Variants in TMEM114 observed in about 807,000 individuals in gnomAD.
The protein encoded by TMEM114 is claudin-26.
In TMEM114, 6 loss-of-function variants were observed where a neutral mutation model predicts 6.2. The ratio of observed to expected loss-of-function variants is 0.97; its 90% CI spans 0.53 to 1.91. TMEM114 has a LOEUF of 1.91. Ranked by LOEUF, TMEM114 falls within the 40% of genes most tolerant of loss-of-function variation. The pLI is 0.01. For synonymous variants in TMEM114, 104 were observed against 73.0 expected, an observed-to-expected ratio of 1.42 and a Z score of -2.16; for missense variants, 218 against 158.3, an observed-to-expected ratio of 1.38 and a Z score of -2.02.
At chr16:8,552,829 C>A (rs963738117) in intron 2 of TMEM114, among the ~76,000 whole-genome samples, 16 of 152,192 alleles carry the variant, frequency 1.1e-4, no homozygotes, top group Non-Finnish European at 1.9e-4. Context: ...AAACCCCTCC[C>A]CTCCCCTCCC....
chr16:8,566,897 G>GTTTT (rs71150402), downstream of TMEM114, among the ~76,000 whole-genome samples: 115 of 98,308 alleles, frequency 1.2e-3, 1 homozygote, highest in Non-Finnish European at 1.3e-3. Flanking sequence ...CATCACCCTG[G>GTTTT]TTTTTTTTTT....
rs552242948 is a variant in TMEM114 at position 8,539,165 on chromosome 16, A to G, written n.213-1339T>C. On this transcript the variant is annotated intron_variant and non_coding_transcript_variant, in intron 2 of 2. Transcript: ENST00000623677. The stretch of plus-strand genomic sequence containing the variant: ...GCCATGGAACATGTGACCCATATGA[A>G]TAACGTCTGCCTGGTGTGCGGTGCT... Among the ~76,000 whole-genome samples the G allele has an allele frequency of 7.9e-5, 12 of 152,248 alleles. No homozygotes were observed. The East Asian group carries it at 2.3e-3, about 29-fold the overall frequency.
At chr16:8,573,885 G>T (rs774806695) in intron 2 of TMEM114, among the ~76,000 whole-genome samples, 2 of 152,156 alleles carry the variant, frequency 1.3e-5, no homozygotes, top group African/African-American at 4.8e-5. Context: ...GAGCTCTTTG[G>T]CAAAGAGGAT....
chr16:8,541,669 C>A (rs988127564), intron 2 of TMEM114, among the ~76,000 whole-genome samples: 1 of 152,092 alleles, frequency 6.6e-6, no homozygotes, highest in Non-Finnish European at 1.5e-5. Context: ...AAAAATGTGA[C>A]AAATGAGTGA....
intron 2 of TMEM114, among the ~76,000 whole-genome samples, chr16:8,562,314 G>C (rs1009646225): frequency 6.6e-6 from 1 of 150,676 alleles, no homozygotes; most frequent in Non-Finnish European, 1.5e-5. Flanking sequence ...GTAAATGAGT[G>C]AGTGAGGGAG....
At chr16:8,564,493 G>T (rs1373495035) in intron 2 of TMEM114, among the ~76,000 whole-genome samples, 1 of 137,724 alleles carries the variant, frequency 7.3e-6, no homozygotes, top group African/African-American at 3.1e-5. Flanking sequence ...GAATGAATGA[G>T]TGAATGAGTG....
downstream of TMEM114, among the ~76,000 whole-genome samples, chr16:8,567,376 C>T (rs1901580742): frequency 6.6e-6 from 1 of 152,174 alleles, no homozygotes; most frequent in African/African-American, 2.4e-5. Flanking sequence ...GTCTCTGACA[C>T]TGTAGGTATC....
intron 2 of TMEM114, among the ~76,000 whole-genome samples, chr16:8,579,996 T>C (rs1248267854): frequency 6.6e-6 from 1 of 151,836 alleles, no homozygotes. Context: ...AGGAGAGGGA[T>C]TCCCAAAAGT....
In TMEM114 at chr16:8,589,738, A is replaced by C. The variant is rs1259644695; in HGVS notation, c.101T>G (p.Ile34Ser). The change falls in exon 1 of 4, where the codon ATC becomes AGC. Residue 34 changes from isoleucine to serine, a missense_variant. Coordinates refer to ENST00000620492, the MANE Select transcript of TMEM114 (RefSeq NM_001146336.2). ...AAAIGTDFWY[I>S]IDTERLERTG... is the part of the protein sequence containing the mutation. ...CCTCTCCAGCCGCTCGGTGTCAATG[A>C]TATACCAGAAGTCCGTGCCGATGGC... The C allele has an allele frequency of 5.0e-6, 2 of 398,502 alleles. No homozygotes were observed. Among genetic ancestry groups the C allele is most frequent in the Admixed American group, 8.8e-5 (2 of 22,722 alleles). The allele number at this position is 398,502 out of a possible 1,614,324, so 24.7% of individuals were successfully genotyped here.
At chr16:8,576,620 T>C (rs931602826) in intron 2 of TMEM114, among the ~76,000 whole-genome samples, 4 of 152,140 alleles carry the variant, frequency 2.6e-5, no homozygotes, top group Non-Finnish European at 2.9e-5. Flanking sequence ...TGCACATCCC[T>C]GAATGCCCAA....
At chr16:8,553,993 G>A (rs4787256) in intron 2 of TMEM114, among the ~76,000 whole-genome samples, 1 of 151,440 alleles carries the variant, frequency 6.6e-6, no homozygotes. Flanking sequence ...ATTCTCATGT[G>A]TCAGCCGCCT....
intron 2 of TMEM114, among the ~76,000 whole-genome samples, chr16:8,551,974 C>T (rs1265411424): frequency 6.6e-6 from 1 of 152,190 alleles, no homozygotes; most frequent in Admixed American, 6.5e-5. Flanking sequence ...GAAGAAAAGC[C>T]AGTCTCCAAA....
Position 8,576,676 on chromosome 16 carries a change from A to C in TMEM114, c.302-4452T>G, listed in dbSNP as rs2141690691. ...AGAATGTAGTACATGCTCCCTGTGCAATGGATGGCTGAGTTAATGAATGAG... is the reference window on the plus strand; with the variant it reads ...AGAATGTAGTACATGCTCCCTGTGCCATGGATGGCTGAGTTAATGAATGAG... On this transcript the variant is annotated intron_variant, in intron 2 of 3. Transcript: ENST00000620492. Among the ~76,000 whole-genome samples the C allele has an allele frequency of 2.6e-5, 4 of 151,362 alleles. 1 individual carries two copies. The South Asian group carries it at 8.3e-4, about 32-fold the overall frequency.
At chr16:8,541,780 G>A (rs558722694) in intron 2 of TMEM114, among the ~76,000 whole-genome samples, 2 of 152,300 alleles carry the variant, frequency 1.3e-5, no homozygotes, top group Admixed American at 6.5e-5. Flanking sequence ...GCCTGTCTGT[G>A]TATGGGGTTA....
chr16:8,546,485 G>A (rs1276263381), intron 2 of TMEM114, among the ~76,000 whole-genome samples: 5 of 152,164 alleles, frequency 3.3e-5, no homozygotes, highest in Non-Finnish European at 5.9e-5. Flanking sequence ...TTATCTACAG[G>A]AACCAGCCCA....
chr16:8,529,134 G>C, the TMEM114 span, among the ~76,000 whole-genome samples: 9 of 152,190 alleles, frequency 5.9e-5, no homozygotes, highest in Non-Finnish European at 1.3e-4. Flanking sequence ...CAGCTGGCTA[G>C]GGTGAGAAGC....
chr16:8,584,696 C>T (rs1039165548), intron 2 of TMEM114, among the ~76,000 whole-genome samples: 1 of 151,990 alleles, frequency 6.6e-6, no homozygotes, highest in Middle Eastern at 3.2e-3. Context: ...CCGAGGCAGG[C>T]AGATCACCTG....
chr16:8,561,947 A>T (rs995354640), intron 2 of TMEM114, among the ~76,000 whole-genome samples: 1 of 152,122 alleles, frequency 6.6e-6, no homozygotes, highest in Non-Finnish European at 1.5e-5. Flanking sequence ...TAAGTGAATG[A>T]GTGAATGAGG....
At chr16:8,539,035 T>G (rs1480865652) in intron 2 of TMEM114, among the ~76,000 whole-genome samples, 2 of 152,206 alleles carry the variant, frequency 1.3e-5, no homozygotes. Flanking sequence ...CATGTTTGAA[T>G]GAATAAATAA....
Sources: allele counts gnomAD v4.1 joint callset (sites outside exome capture counted in the v4.1 genomes callset), GRCh38; gene constraint gnomAD v4.1.1; transcripts MANE v1.5; gene names NCBI Gene and HGNC (gene_info 2026-07-23, HGNC 2026-07-21).